ARID1B: variants seen among roughly 807,000 people sequenced by gnomAD.
ARID1B encodes AT-rich interactive domain-containing protein 1B.
A neutral mutation model predicts 212.3 loss-of-function variants in ARID1B; 30 were observed. The ratio of observed to expected loss-of-function variants is 0.14; its 90% CI spans 0.11 to 0.19. The LOEUF is 0.19. Among genes scored for constraint, ARID1B ranks in the 10% least tolerant of loss-of-function variants. The probability of loss-of-function intolerance (pLI) is 1.00; values close to 1 mark genes in which losing one functional copy is unlikely to be tolerated. For synonymous variants in ARID1B, 1,402 were observed against 1,301.7 expected, an observed-to-expected ratio of 1.08 and a Z score of -1.66; for missense variants, 2,891 against 3,204.0, an observed-to-expected ratio of 0.90 and a Z score of 2.36.
chr6:156,793,840 G>A (rs1780175898), intron 1 of ARID1B, among the ~76,000 whole-genome samples: 1 of 152,260 alleles, frequency 6.6e-6, no homozygotes, highest in Admixed American at 6.5e-5. Flanking sequence ...AAAAGCAATA[G>A]TAATAGTAAT....
At chr6:157,033,649 G>A (rs1781146787) in intron 4 of ARID1B, among the ~76,000 whole-genome samples, 1 of 152,148 alleles carries the variant, frequency 6.6e-6, no homozygotes, top group Non-Finnish European at 1.5e-5. Context: ...GGGTAATTGG[G>A]AAAGAGATGT....
chr6:157,140,846 C>T (rs557640529), intron 7 of ARID1B: 1 of 394,360 alleles, frequency 2.5e-6, no homozygotes, highest in African/African-American at 2.1e-5. Flanking sequence ...GCTCCCTTCC[C>T]CTCAGCACTC....
intron 15 of ARID1B, 52 bp from the exon 16 acceptor site, chr6:157,196,113 C>T: frequency 6.3e-7 from 1 of 1,596,778 alleles, no homozygotes; most frequent in Non-Finnish European, 8.5e-7. Flanking sequence ...ATGGATGGGC[C>T]TTTGACTTTC....
At chr6:156,891,872 C>CTT (rs1787947365) in intron 2 of ARID1B, among the ~76,000 whole-genome samples, 1 of 136,184 alleles carries the variant, frequency 7.3e-6, no homozygotes, top group African/African-American at 3.0e-5. Flanking sequence ...TTTTTCTTTT[C>CTT]TGTTTTTTTT....
intron 1 of ARID1B, among the ~76,000 whole-genome samples, chr6:156,803,596 GGT>G (rs1179853832): frequency 6.8e-6 from 1 of 146,984 alleles, no homozygotes; most frequent in East Asian, 2.0e-4. Flanking sequence ...TTGTTTTCAT[GGT>G]GTGTTTTTTT....
chr6:157,039,878 TTTCTCTTCCTTCC>T, intron 4 of ARID1B, among the ~76,000 whole-genome samples: 1 of 92,012 alleles, frequency 1.1e-5, no homozygotes, highest in East Asian at 3.8e-4. Context: ...TTCTCTTTCT[TTTCTCTTCCTTCC>T]TTCCTTCCTT....
At chr6:157,192,936 G>A (rs551966864) in intron 15 of ARID1B, among the ~76,000 whole-genome samples, 1 of 152,240 alleles carries the variant, frequency 6.6e-6, no homozygotes, top group East Asian at 1.9e-4. Flanking sequence ...CATACTCTTT[G>A]TCGCTGTTGC....
At chr6:157,140,239 G>C (rs996363379) in intron 7 of ARID1B, among the ~76,000 whole-genome samples, 1 of 152,090 alleles carries the variant, frequency 6.6e-6, no homozygotes, top group Non-Finnish European at 1.5e-5. Context: ...GGAGGCTGAG[G>C]TGGGTGGATT....
At chr6:156,795,135 A>T (rs1780274910) in intron 1 of ARID1B, among the ~76,000 whole-genome samples, 1 of 78,486 alleles carries the variant, frequency 1.3e-5, no homozygotes, top group South Asian at 3.0e-4. Flanking sequence ...AGCCATTTAG[A>T]GGAAAGCCTG....
intron 4 of ARID1B, among the ~76,000 whole-genome samples, chr6:156,958,797 T>C (rs1395743212): frequency 6.6e-6 from 1 of 152,192 alleles, no homozygotes; most frequent in African/African-American, 2.4e-5. Flanking sequence ...AAGGGGTGAT[T>C]GTAGTCCAGT....
At chr6:156,829,039 T>C (rs1022115727) in intron 1 of ARID1B, among the ~76,000 whole-genome samples, 188 bp from the exon 2 acceptor site, 3 of 152,308 alleles carry the variant, frequency 2.0e-5, no homozygotes, top group East Asian at 3.9e-4. Context: ...AAGTAAAAAA[T>C]AAAATTTCTT....
intron 3 of ARID1B, among the ~76,000 whole-genome samples, chr6:156,923,402 T>C (rs1202645752): frequency 6.6e-6 from 1 of 152,154 alleles, no homozygotes; most frequent in Non-Finnish European, 1.5e-5. Flanking sequence ...TGCCTCCTTA[T>C]CTGGTGGGTG....
intron 2 of ARID1B, among the ~76,000 whole-genome samples, chr6:156,862,795 T>C (rs1785425075): frequency 6.6e-6 from 1 of 152,212 alleles, no homozygotes; most frequent in South Asian, 2.1e-4. Flanking sequence ...GCTTGGGGGC[T>C]GGGCCCTGGC....
At chr6:156,832,231 A>C (rs1023435354) in intron 2 of ARID1B, among the ~76,000 whole-genome samples, 1 of 152,192 alleles carries the variant, frequency 6.6e-6, no homozygotes, top group African/African-American at 2.4e-5. Flanking sequence ...AGGAATTTTC[A>C]GTGAATTGCT....
intron 4 of ARID1B, among the ~76,000 whole-genome samples, chr6:157,054,454 A>G (rs529391725): frequency 1.5e-3 from 225 of 152,338 alleles, no homozygotes; most frequent in Middle Eastern, 3.4e-3. Context: ...TTATTTTATA[A>G]TAAACATGTA....
At chr6:157,074,319 G>T (rs113131220) in intron 4 of ARID1B, among the ~76,000 whole-genome samples, 9,121 of 152,020 alleles carry the variant, frequency 0.06, 931 homozygotes, top group African/African-American at 0.21. Flanking sequence ...CTCAGCCTCC[G>T]GGGTTCAAGC....
chr6:156,962,080 A>C (rs1001318010), intron 4 of ARID1B, among the ~76,000 whole-genome samples: 3 of 151,948 alleles, frequency 2.0e-5, no homozygotes, highest in Admixed American at 2.0e-4. Flanking sequence ...TGGGTGGATC[A>C]CGAGGTCAGG....
intron 2 of ARID1B, among the ~76,000 whole-genome samples, chr6:156,858,184 T>G (rs184664895): frequency 6.6e-6 from 1 of 151,006 alleles, no homozygotes; most frequent in Admixed American, 6.6e-5. Context: ...AAAAGTGAAC[T>G]CATGGAGCTG....
intron 9 of ARID1B, chr6:157,173,499 G>A (rs937630110): frequency 6.6e-6 from 1 of 152,108 alleles, no homozygotes; most frequent in Non-Finnish European, 1.5e-5. Flanking sequence ...TTCCCTTATT[G>A]TTGACTAGAC....
Sources: allele counts gnomAD v4.1 joint callset (sites outside exome capture counted in the v4.1 genomes callset), GRCh38; gene constraint gnomAD v4.1.1; transcripts MANE v1.5; gene names NCBI Gene and HGNC (gene_info 2026-07-23, HGNC 2026-07-21).